The following RFX2 variants were observed in gnomAD, a reference collection of about 807,000 sequenced individuals.
RFX2 encodes DNA-binding protein RFX2.
RFX2 carries 20 observed loss-of-function variants against 87.8 expected under a neutral mutation model. That is an observed-to-expected ratio of 0.23 (90% CI 0.16 to 0.33). The LOEUF (loss-of-function observed/expected upper bound fraction) is 0.33. Ranked by LOEUF, RFX2 falls within the 10% of genes least tolerant of loss-of-function variation. The pLI is 1.00. For synonymous variants in RFX2, 397 were observed against 431.3 expected, an observed-to-expected ratio of 0.92 and a Z score of 0.98; for missense variants, 767 against 1,012.3, an observed-to-expected ratio of 0.76 and a Z score of 3.29.
At chr19:6,058,133 G>A (rs1346332318) in intron 1 of RFX2, among the ~76,000 whole-genome samples, 1 of 152,192 alleles carries the variant, frequency 6.6e-6, no homozygotes, top group African/African-American at 2.4e-5. Context: ...GACAGTGTGT[G>A]TCCCCACTTG....
intron 9 of RFX2, 140 bp downstream of exon 9, chr19:6,009,994 CTT>C: frequency 1.9e-6 from 1 of 516,968 alleles, no homozygotes; most frequent in Admixed American, 3.2e-5. Flanking sequence ...TTATCGAAAA[CTT>C]TCTATTTGTC....
chr19:5,997,790 C>A lies in RFX2; in HGVS notation c.1860-577G>T, dbSNP rs534824658. 6.6e-6 allele frequency among the ~76,000 whole-genome samples: 1 copy of A among 152,326 alleles called. No individual in the cohort carries two copies. The highest frequency in any genetic ancestry group is 2.4e-5 in the African/African-American group (1 of 41,574). On this transcript the variant is annotated intron_variant, in intron 15 of 17. Coordinates refer to ENST00000303657, the MANE Select transcript of RFX2 (RefSeq NM_000635.4). The surrounding 1 kb of genome is among the most constrained non-coding windows in gnomAD (Gnocchi z 4.2). ...GATCCAGTCCGCGTCCAGCCCTCAG[C>A]CTGTGTGCTGACAATGCTTTACATT...
intron 1 of RFX2, among the ~76,000 whole-genome samples, chr19:6,054,630 G>T (rs573741858): frequency 6.6e-6 from 1 of 152,060 alleles, no homozygotes; most frequent in Non-Finnish European, 1.5e-5. Context: ...AACAGAGAAA[G>T]AAGTCTTTTA....
intron 1 of RFX2, among the ~76,000 whole-genome samples, chr19:6,097,215 G>T (rs2088042976): frequency 6.6e-6 from 1 of 152,188 alleles, no homozygotes; most frequent in South Asian, 2.1e-4. Flanking sequence ...ACTAGACCCT[G>T]GGGAGGAAGA....
At chr19:6,055,176 G>C (rs1272882701) in intron 1 of RFX2, among the ~76,000 whole-genome samples, 1 of 152,114 alleles carries the variant, frequency 6.6e-6, no homozygotes, top group Non-Finnish European at 1.5e-5. Context: ...CACTAGAATG[G>C]CTAAACCTGA....
At chr19:6,067,936 T>C (rs2087537390) in intron 1 of RFX2, 1 of 152,070 alleles carries the variant, frequency 6.6e-6, no homozygotes, top group African/African-American at 2.4e-5. Context: ...TAAGATATCA[T>C]CCAGGAGTCA....
intron 1 of RFX2, among the ~76,000 whole-genome samples, chr19:6,099,452 A>G (rs1335865023): frequency 6.6e-6 from 1 of 152,172 alleles, no homozygotes; most frequent in Admixed American, 6.5e-5. Context: ...CTGGAATGTT[A>G]ATTGAGATCA....
At chr19:6,104,599 G>T (rs1272331570) in intron 1 of RFX2, among the ~76,000 whole-genome samples, 1 of 151,756 alleles carries the variant, frequency 6.6e-6, no homozygotes, top group Non-Finnish European at 1.5e-5. Flanking sequence ...TAAGGGCAGG[G>T]TGTCGCTATG....
chr19:6,002,047 G>A lies in RFX2; in HGVS notation c.1651-24C>T. 2 of 1,570,314 alleles carry A rather than the reference G, an allele frequency of 1.3e-6. No individual in the cohort carries two copies. The highest frequency in any genetic ancestry group is 2.3e-5 in the South Asian group (2 of 88,094). ...TCCTGTGGGCAGGGCAGAGGCCAGT[G>A]TCAGCAATGTGGACCCCCAGCCACG... On this transcript the variant is annotated intron_variant, in intron 14 of 17. Transcript: ENST00000303657. The surrounding 1 kb of genome is among the most constrained non-coding windows in gnomAD (Gnocchi z 6.7).
chr19:6,048,039 C>T (rs1016814963), intron 1 of RFX2, among the ~76,000 whole-genome samples: 1 of 152,192 alleles, frequency 6.6e-6, no homozygotes, highest in Admixed American at 6.5e-5. Flanking sequence ...CCCCTGGCCT[C>T]CACCCATTCC....
intron 1 of RFX2, among the ~76,000 whole-genome samples, chr19:6,067,614 G>A (rs905090468): frequency 1.3e-5 from 2 of 152,228 alleles, no homozygotes; most frequent in African/African-American, 4.8e-5. Flanking sequence ...TGTTCTGCCT[G>A]GAGCAGTTCA....
chr19:6,108,536 CTT>C (rs1332343808), intron 1 of RFX2, among the ~76,000 whole-genome samples: 1 of 152,132 alleles, frequency 6.6e-6, no homozygotes. Flanking sequence ...TTGGGGAACT[CTT>C]AGTTGAAACA....
In RFX2 at chr19:6,047,594, G is replaced by A; in HGVS notation, c.-8-90C>T. 9.9e-7 allele frequency: 1 copy of A among 1,008,200 alleles called. No homozygotes were observed. Among genetic ancestry groups the A allele is most frequent in the Non-Finnish European group, 1.5e-6 (1 of 664,430 alleles). The allele number at this position is 1,008,200 out of a possible 1,614,324, so 62.5% of individuals were successfully genotyped here. A position where few individuals can be genotyped will look rare whatever the true frequency, so the allele number is the denominator to read the frequency against. ...CTAACAAGTTCAAGGGAGGGAAGGA[G>A]TAACCAGCTACATTCTTCAAAGTCG... On this transcript the variant is annotated intron_variant, in intron 1 of 17. Coordinates refer to ENST00000303657, the MANE Select transcript of RFX2 (RefSeq NM_000635.4). The surrounding 1 kb of genome is among the most constrained non-coding windows in gnomAD (Gnocchi z 4.2).
rs1192412999 is a variant in RFX2 at position 6,061,226 on chromosome 19, G to A, written c.-8-13722C>T. On this transcript the variant is annotated intron_variant, in intron 1 of 17. Coordinates refer to ENST00000303657, the MANE Select transcript of RFX2 (RefSeq NM_000635.4). The surrounding 1 kb of genome is among the most constrained non-coding windows in gnomAD (Gnocchi z 5.2). The stretch of plus-strand genomic sequence containing the variant: ...CATCCGCCTCCTAATTGGTCTCCCT[G>A]CTTCCAGCCTCTGCCCTCTCCCAGC... Among the ~76,000 whole-genome samples the A allele has an allele frequency of 6.6e-6, 1 of 152,124 alleles. No individual in the cohort carries two copies. Among genetic ancestry groups the A allele is most frequent in the Non-Finnish European group, 1.5e-5 (1 of 68,020 alleles).
At chr19:6,005,940 A>C (rs10408217) in intron 12 of RFX2, among the ~76,000 whole-genome samples, 7,434 of 152,200 alleles carry the variant, frequency 0.049, 594 homozygotes, top group African/African-American at 0.17. Context: ...GGCCTCCCGC[A>C]CAGTGACGGC....
At position 6,011,592 on chromosome 19, in the gene RFX2, G is replaced by A. The variant is rs907453248; in HGVS notation, c.900-1341C>T. Among the ~76,000 whole-genome samples the A allele has an allele frequency of 6.6e-6, 1 of 152,346 alleles. No individual in the cohort carries two copies. Among genetic ancestry groups the A allele is most frequent in the African/African-American group, 2.4e-5 (1 of 41,588 alleles). ...AAATGACACACTGCCTGGAGCACAGGTTCACAGCTGTCTGCCAGGGGCCCA... is the reference window on the plus strand; with the variant it reads ...AAATGACACACTGCCTGGAGCACAGATTCACAGCTGTCTGCCAGGGGCCCA... On this transcript the variant is annotated intron_variant, in intron 8 of 17. Coordinates refer to ENST00000303657, the MANE Select transcript of RFX2 (RefSeq NM_000635.4). The surrounding 1 kb of genome is among the most constrained non-coding windows in gnomAD (Gnocchi z 4.8).
intron 1 of RFX2, among the ~76,000 whole-genome samples, chr19:6,096,678 C>T (rs867640133): frequency 5.9e-5 from 9 of 152,206 alleles, no homozygotes; most frequent in Admixed American, 1.3e-4. Flanking sequence ...GATCTCCTGA[C>T]CTCGTGATCC....
chr19:6,088,455 C>T lies in RFX2; in HGVS notation c.-9+21938G>A, dbSNP rs539847537. 1.1e-4 allele frequency among the ~76,000 whole-genome samples: 17 copies of T among 152,222 alleles called. No individual in the cohort carries two copies. The South Asian group carries it at 2.9e-3, about 26-fold the overall frequency. ...CGAACTCTCGACCTCAGGTGATCCA[C>T]CCGCCTCAGCCTCCCAAAGTGCTGG... On this transcript the variant is annotated intron_variant, in intron 1 of 17. Transcript: ENST00000303657.
chr19:6,015,487 TTTTG>T (rs753101489), intron 7 of RFX2, among the ~76,000 whole-genome samples: 20 of 149,262 alleles, frequency 1.3e-4, no homozygotes, highest in South Asian at 6.4e-4. Flanking sequence ...AGAGGCTACA[TTTTG>T]TTTGTTTGTT....
Sources: allele counts gnomAD v4.1 joint callset (sites outside exome capture counted in the v4.1 genomes callset), GRCh38; gene constraint gnomAD v4.1.1; non-coding constraint Gnocchi (gnomAD v3.1); transcripts MANE v1.5; gene names NCBI Gene and HGNC (gene_info 2026-07-23, HGNC 2026-07-21).